Variants in ARID1A observed in about 807,000 individuals in gnomAD.
ARID1A encodes the protein AT-rich interaction domain 1A.
ARID1A carries 20 observed loss-of-function variants against 212.6 expected under a neutral mutation model. That is an observed-to-expected ratio of 0.09 (90% confidence interval 0.07 to 0.14). The LOEUF (loss-of-function observed/expected upper bound fraction) is 0.14, where lower values mean the gene tolerates loss of function less well. ARID1A is among the 10% of genes least tolerant of loss of function. The pLI is 1.00. For missense variants in ARID1A, 2,587 were observed against 3,059.0 expected (o/e 0.85, Z 3.64); for synonymous variants, 1,376 against 1,222.1 (o/e 1.13, Z -2.63).
At position 26,780,451 on chromosome 1, in the gene ARID1A, A is replaced by G. The variant is rs2124150422; in HGVS notation, c.6553A>G (p.Ile2185Val). The change falls in exon 20 of 20, where the codon ATT becomes GTT. Residue 2185 changes from isoleucine (I) to valine (V), a missense_variant. Physicochemically the swap from Ile to Val is conservative, Grantham distance 29. Coordinates refer to ENST00000324856, the MANE Select transcript of ARID1A (RefSeq NM_006015.6). The surrounding 1 kb of genome is among the most constrained non-coding windows in gnomAD (Gnocchi z 7.2). ...AQGDSLAARA[I>V]AVQKGSIGNL... The stretch of plus-strand genomic sequence containing the variant: ...GGGGGACAGCCTGGCAGCTCGTGCC[A>G]TTGCAGTGCAGAAGGGCAGTATCGG... 1 of 1,614,212 alleles carries G rather than the reference A, an allele frequency of 6.2e-7. No homozygotes were observed. The highest frequency in any genetic ancestry group is 1.1e-5 in the South Asian group (1 of 91,090).
chr1:26,735,337 G>C (rs918858412), intron 4 of ARID1A, among the ~76,000 whole-genome samples: 1 of 152,058 alleles, frequency 6.6e-6, no homozygotes, highest in Admixed American at 6.5e-5. Flanking sequence ...CTGTTGCCCA[G>C]GCTGGAGTGC....
chr1:26,773,075 T>C, intron 14 of ARID1A, 88 bp downstream of exon 14: 1 of 1,501,872 alleles, frequency 6.7e-7, no homozygotes, highest in Non-Finnish European at 9.0e-7. Context: ...CTCAGGGTTC[T>C]TGTGGAGCCA....
At chr1:26,756,576 AAAC>A (rs2080939299) in intron 4 of ARID1A, among the ~76,000 whole-genome samples, 1 of 151,614 alleles carries the variant, frequency 6.6e-6, no homozygotes, top group South Asian at 2.1e-4. Flanking sequence ...AAAAAAAAAA[AAAC>A]AAAAAAACAC....
Position 26,779,439 on chromosome 1 carries a change from T to A in ARID1A, c.5541T>A (p.Gly1847=). Residue 1847 remains glycine (G), a synonymous_variant, in exon 20 of 20, where the codon GGT becomes GGA. Coordinates refer to ENST00000324856, the MANE Select transcript of ARID1A (RefSeq NM_006015.6). ...GTGGCCTGCTGCACTGGCGGATTGGTGGGGGGGACACCACTGAGCATATCC... is the reference window on the plus strand; with the variant it reads ...GTGGCCTGCTGCACTGGCGGATTGGAGGGGGGGACACCACTGAGCATATCC... ...FDSGLLHWRI[G]GGDTTEHIQT... 1.2e-6 allele frequency: 2 copies of A among 1,613,888 alleles called. No individual in the cohort carries two copies. Among genetic ancestry groups the A allele is most frequent in the Non-Finnish European group, 1.7e-6 (2 of 1,179,966 alleles).
rs397860721 is a variant in ARID1A, at chr1:26,708,266, C to CTTTTTTTTTTTTTTTTTTT, written c.1137+10744_1137+10762dup. Among the ~76,000 whole-genome samples, 7 of 23,754 alleles carry CTTTTTTTTTTTTTTTTTTT rather than the reference C, an allele frequency of 2.9e-4. 2 individuals carry two copies. Among genetic ancestry groups the CTTTTTTTTTTTTTTTTTTT allele is most frequent in the African/African-American group, 5.0e-4 (3 of 6,012 alleles). The allele number at this position is 23,754 out of a possible 152,430, so 15.6% of individuals were successfully genotyped here. ...TCAGCCTTTAAGATACAGTCCTTCA[C>CTTTTTTTTTTTTTTTTTTT]TTTTTTTTTTTTTTTTTTTTTTTTT... On this transcript the variant is annotated intron_variant, in intron 1 of 19. Coordinates refer to ENST00000324856, the MANE Select transcript of ARID1A (RefSeq NM_006015.6).
chr1:26,716,634 T>C (rs1227418200), intron 1 of ARID1A, among the ~76,000 whole-genome samples: 1 of 152,034 alleles, frequency 6.6e-6, no homozygotes, highest in East Asian at 1.9e-4. Flanking sequence ...TTTGTTTTTG[T>C]TTTTGTTTTA....
At chr1:26,740,873 G>A (rs1474746037) in intron 4 of ARID1A, among the ~76,000 whole-genome samples, 1 of 152,216 alleles carries the variant, frequency 6.6e-6, no homozygotes, top group Non-Finnish European at 1.5e-5. Context: ...CTGAGAATAA[G>A]TGGGTTCTGT....
intron 1 of ARID1A, among the ~76,000 whole-genome samples, chr1:26,715,523 C>T (rs1173075119): frequency 2.0e-5 from 3 of 152,182 alleles, no homozygotes; most frequent in African/African-American, 7.2e-5. Flanking sequence ...CAATCTATAT[C>T]ACCTCACATG....
Position 26,738,252 on chromosome 1 carries a change from G to T in ARID1A, c.1920+5460G>T, listed in dbSNP as rs1382449357. Among the ~76,000 whole-genome samples, 15 of 152,104 alleles carry T rather than the reference G, an allele frequency of 9.9e-5. 1 individual carries two copies. The South Asian group carries it at 3.1e-3, about 32-fold the overall frequency. On this transcript the variant is annotated intron_variant, in intron 4 of 19. Transcript: ENST00000324856. ...TTGGCCAGACTGGTCTCGAACTCCT[G>T]ACCTGGGTGATCCACCCGCCTCGGC...
chr1:26,697,924 C>T (rs1422844839), intron 1 of ARID1A, among the ~76,000 whole-genome samples: 1 of 152,026 alleles, frequency 6.6e-6, no homozygotes, highest in Non-Finnish European at 1.5e-5. Context: ...GTTGAATGAA[C>T]GTTTCTTTGC....
chr1:26,731,125 C>G (rs2124787659), intron 2 of ARID1A, 27 bp from the exon 3 acceptor site: 1 of 1,596,962 alleles, frequency 6.3e-7, no homozygotes. Flanking sequence ...AGAGTCAGTG[C>G]TAAAAGTATA....
intron 4 of ARID1A, among the ~76,000 whole-genome samples, chr1:26,749,912 A>G (rs1443390119): frequency 6.6e-6 from 1 of 152,138 alleles, no homozygotes; most frequent in Non-Finnish European, 1.5e-5. Flanking sequence ...AGGATGGGGG[A>G]ATAGAGATTA....
At chr1:26,727,380 C>A (rs889628647) in intron 1 of ARID1A, among the ~76,000 whole-genome samples, 1 of 152,100 alleles carries the variant, frequency 6.6e-6, no homozygotes, top group Non-Finnish European at 1.5e-5. Context: ...CCACTAGCCA[C>A]ATGTAGTTAT....
chr1:26,732,015 A>G (rs767801319), intron 3 of ARID1A, among the ~76,000 whole-genome samples: 12 of 152,158 alleles, frequency 7.9e-5, no homozygotes, highest in Admixed American at 1.3e-4. Flanking sequence ...CCATTCTGCT[A>G]TCGCTCAAAA....
At chr1:26,745,587 C>T (rs2080828493) in intron 4 of ARID1A, among the ~76,000 whole-genome samples, 1 of 152,154 alleles carries the variant, frequency 6.6e-6, no homozygotes, top group African/African-American at 2.4e-5. Context: ...CCCGTCTCCC[C>T]TCCCACCCCC....
intron 4 of ARID1A, among the ~76,000 whole-genome samples, chr1:26,758,430 A>G (rs1322134288): frequency 1.3e-5 from 2 of 152,104 alleles, no homozygotes; most frequent in South Asian, 2.1e-4. Context: ...ACACACAAAC[A>G]CAGCCAGACA....
chr1:26,726,586 G>C (rs771837384), intron 1 of ARID1A, among the ~76,000 whole-genome samples: 9 of 152,172 alleles, frequency 5.9e-5, no homozygotes, highest in Admixed American at 3.3e-4. Flanking sequence ...CCCTGTGTTA[G>C]GGTTAGATTT....
At chr1:26,759,838 C>T (rs1336158840) in intron 4 of ARID1A, among the ~76,000 whole-genome samples, 1 of 152,180 alleles carries the variant, frequency 6.6e-6, no homozygotes, top group Non-Finnish European at 1.5e-5. Context: ...TTGTTGATTA[C>T]TGTTATAGAC....
chr1:26,719,531 T>C (rs1413366682), intron 1 of ARID1A, among the ~76,000 whole-genome samples: 1 of 152,256 alleles, frequency 6.6e-6, no homozygotes, highest in Non-Finnish European at 1.5e-5. Context: ...AACTGTCTCA[T>C]ATTTTTGTTA....
Sources: gnomAD v4.1 joint callset for allele counts (sites outside exome capture counted in the v4.1 genomes callset) on GRCh38, gnomAD v4.1.1 for gene constraint, Gnocchi (gnomAD v3.1) non-coding constraint, MANE v1.5 for transcripts, NCBI Gene and HGNC (gene_info 2026-07-23, HGNC 2026-07-21) for gene names.